SH3RF3: variants seen among roughly 807,000 people sequenced by gnomAD.
The protein encoded by SH3RF3 is SH3 domain containing ring finger 3.
In SH3RF3, 29 loss-of-function variants were observed where a neutral mutation model predicts 66.3. That is an observed-to-expected ratio of 0.44 (90% CI 0.33 to 0.60). The LOEUF (loss-of-function observed/expected upper bound fraction) is 0.60. SH3RF3 is among the 20% of genes least tolerant of loss of function. The pLI is 0.04. For missense variants in SH3RF3, 1,194 were observed against 1,190.9 expected (o/e 1.00, Z -0.04); for synonymous variants, 583 against 532.0 (o/e 1.10, Z -1.32).
intron 3 of SH3RF3, among the ~76,000 whole-genome samples, chr2:109,386,254 A>G (rs1372082107): frequency 1.3e-5 from 2 of 152,224 alleles, no homozygotes; most frequent in African/African-American, 4.8e-5. Context: ...AGGATGGCCT[A>G]GCCCCTGTGG....
intron 1 of SH3RF3, among the ~76,000 whole-genome samples, chr2:109,320,442 C>A (rs1393708711): frequency 6.6e-6 from 1 of 152,180 alleles, no homozygotes; most frequent in African/African-American, 2.4e-5. Context: ...AGGCGCCCAT[C>A]CTCGGCAGTG....
At chr2:109,210,931 T>C (rs1678960001) in intron 1 of SH3RF3, among the ~76,000 whole-genome samples, 1 of 152,340 alleles carries the variant, frequency 6.6e-6, no homozygotes, top group Non-Finnish European at 1.5e-5. Flanking sequence ...GCTGCTGTCC[T>C]TTCCTGTCAG....
chr2:109,130,992 G>C (rs1302578729), intron 1 of SH3RF3, among the ~76,000 whole-genome samples: 1 of 152,134 alleles, frequency 6.6e-6, no homozygotes, highest in Non-Finnish European at 1.5e-5. Flanking sequence ...TCTTTAAATG[G>C]AGAAAAGCAC....
At chr2:109,146,585 C>T (rs751111084) in intron 1 of SH3RF3, among the ~76,000 whole-genome samples, 1 of 152,134 alleles carries the variant, frequency 6.6e-6, no homozygotes, top group Non-Finnish European at 1.5e-5. Flanking sequence ...CTCCCCAGCA[C>T]CACCTTCAGG....
Position 109,490,906 on chromosome 2 carries a change from G to A in SH3RF3, c.2450G>A (p.Arg817His), listed in dbSNP as rs140703944. Residue 817 changes from arginine (R) to histidine (H), a missense_variant, in exon 9 of 10, where the codon CGC becomes CAC. Physicochemically the swap from Arg to His is conservative, Grantham distance 29 (BLOSUM62 0). Coordinates refer to ENST00000309415, the MANE Select transcript of SH3RF3 (RefSeq NM_001099289.3). The stretch of plus-strand genomic sequence containing the variant: ...GCTCCGCTGTCCATGGCTGCCATCC[G>A]CCCCGAGCCCAAGCTGTTGCCCAGA... ...RQAPLSMAAI[R>H]PEPKLLPRER... 10,036 of 1,514,930 alleles carry A rather than the reference G, an allele frequency of 6.6e-3. 59 individuals are homozygous for A. The highest frequency in any genetic ancestry group is 7.4e-3 in the Non-Finnish European group (8,337 of 1,132,328). The allele number at this position is 1,514,930 out of a possible 1,614,324, so 93.8% of individuals were successfully genotyped here. A position where few individuals can be genotyped will look rare whatever the true frequency, so the allele number is the denominator to read the frequency against.
intron 1 of SH3RF3, among the ~76,000 whole-genome samples, chr2:109,246,570 G>A (rs578253488): frequency 6.6e-6 from 1 of 152,310 alleles, no homozygotes; most frequent in South Asian, 2.1e-4. Context: ...GATGGCTGGA[G>A]AGTGTAGATG....
At chr2:109,292,295 A>G (rs891768614) in intron 1 of SH3RF3, among the ~76,000 whole-genome samples, 1 of 152,236 alleles carries the variant, frequency 6.6e-6, no homozygotes, top group African/African-American at 2.4e-5. Flanking sequence ...TTCAGAATCC[A>G]GAGAGTCCCC....
chr2:109,340,627 C>T (rs2105526205), intron 1 of SH3RF3, among the ~76,000 whole-genome samples: 1 of 152,300 alleles, frequency 6.6e-6, no homozygotes, highest in Admixed American at 6.5e-5. Context: ...ACCCAGGGTC[C>T]TGGAACATCT....
At chr2:109,421,167 A>C (rs1445600346) in intron 5 of SH3RF3, among the ~76,000 whole-genome samples, 1 of 152,204 alleles carries the variant, frequency 6.6e-6, no homozygotes, top group Non-Finnish European at 1.5e-5. Context: ...GCAGGATGCT[A>C]TCTGAGGAAA....
intron 1 of SH3RF3, among the ~76,000 whole-genome samples, chr2:109,202,723 C>T (rs1036061604): frequency 1.3e-5 from 2 of 152,206 alleles, no homozygotes; most frequent in African/African-American, 2.4e-5. Context: ...TCTGGAAACG[C>T]CACGGCCTTC....
At chr2:109,408,014 G>A (rs890324111) in intron 4 of SH3RF3, among the ~76,000 whole-genome samples, 8 of 152,084 alleles carry the variant, frequency 5.3e-5, no homozygotes, top group Non-Finnish European at 1.2e-4. Context: ...GGCCATCCTT[G>A]GGCAGAGTCA....
At chr2:109,351,338 G>A (rs1230601559) in intron 2 of SH3RF3, among the ~76,000 whole-genome samples, 18 of 152,196 alleles carry the variant, frequency 1.2e-4, no homozygotes, top group Admixed American at 1.2e-3. Flanking sequence ...GGAGCACCTC[G>A]CCTTCCCAGT....
At chr2:109,243,502 T>C (rs1432485628) in intron 1 of SH3RF3, among the ~76,000 whole-genome samples, 5 of 152,154 alleles carry the variant, frequency 3.3e-5, no homozygotes, top group Admixed American at 3.3e-4. Context: ...CAGGAAATGC[T>C]CATGAAAAAA....
At chr2:109,400,192 G>T (rs1676267560) in intron 4 of SH3RF3, among the ~76,000 whole-genome samples, 1 of 152,094 alleles carries the variant, frequency 6.6e-6, no homozygotes. Context: ...CATCAGCCTA[G>T]AAATGCCCCC....
At chr2:109,163,676 G>A (rs1574482095) in intron 1 of SH3RF3, among the ~76,000 whole-genome samples, 1 of 152,118 alleles carries the variant, frequency 6.6e-6, no homozygotes, top group African/African-American at 2.4e-5. Flanking sequence ...TGGGATTACA[G>A]GCGTGAGCCA....
chr2:109,454,882 T>C (rs1677995500), intron 8 of SH3RF3, among the ~76,000 whole-genome samples: 1 of 151,926 alleles, frequency 6.6e-6, no homozygotes, highest in Admixed American at 6.6e-5. Flanking sequence ...TGCCAGTAAG[T>C]TTTCACTCTC....
chr2:109,227,366 A>G (rs967676138), intron 1 of SH3RF3, among the ~76,000 whole-genome samples: 1 of 152,140 alleles, frequency 6.6e-6, no homozygotes, highest in Non-Finnish European at 1.5e-5. Context: ...CCTGGTTCTC[A>G]GGTCCTTAGG....
At chr2:109,450,911 T>C (rs969901592) in intron 8 of SH3RF3, among the ~76,000 whole-genome samples, 2 of 152,236 alleles carry the variant, frequency 1.3e-5, no homozygotes, top group African/African-American at 4.8e-5. Context: ...CCCTGGACAC[T>C]AGATGGTGTG....
chr2:109,410,442 G>A (rs957822635), intron 4 of SH3RF3, among the ~76,000 whole-genome samples: 4 of 152,224 alleles, frequency 2.6e-5, no homozygotes, highest in African/African-American at 7.2e-5. Context: ...CACCCAGGGG[G>A]CAGCATCAGC....
Sources: gnomAD v4.1 joint callset for allele counts (sites outside exome capture counted in the v4.1 genomes callset) on GRCh38, gnomAD v4.1.1 for gene constraint, MANE v1.5 for transcripts, NCBI Gene and HGNC (gene_info 2026-07-23, HGNC 2026-07-21) for gene names.